Variants in PGM1 observed in about 807,000 individuals in gnomAD.
The protein encoded by PGM1 is phosphoglucomutase-1.
Under a neutral mutation model 55.6 loss-of-function variants are expected in PGM1, and 52 were observed. That is an observed-to-expected ratio of 0.94 (90% confidence interval 0.75 to 1.18). The LOEUF is 1.18. Ranked by LOEUF, PGM1 falls within the 50% of genes most tolerant of loss-of-function variation. The probability of loss-of-function intolerance (pLI) is 0.00; values close to 1 mark genes in which losing one functional copy is unlikely to be tolerated. For missense variants in PGM1, 724 were observed against 729.3 expected (o/e 0.99, Z 0.08); for synonymous variants, 287 against 271.7 (o/e 1.06, Z -0.55).
intron 7 of PGM1, among the ~76,000 whole-genome samples, chr1:63,646,188 A>C (rs1031151301): frequency 6.6e-6 from 1 of 152,230 alleles, no homozygotes; most frequent in Non-Finnish European, 1.5e-5. Context: ...AAGAAGAATA[A>C]GACCAGCGGG....
At chr1:63,620,209 A>G (rs1237838225) in intron 1 of PGM1, among the ~76,000 whole-genome samples, 1 of 152,148 alleles carries the variant, frequency 6.6e-6, no homozygotes, top group Admixed American at 6.5e-5. Flanking sequence ...TGGCTGCTGA[A>G]CCTGTGCCCT....
chr1:63,646,958 T>C (rs1213004307), intron 7 of PGM1, among the ~76,000 whole-genome samples: 1 of 152,016 alleles, frequency 6.6e-6, no homozygotes, highest in African/African-American at 2.4e-5. Context: ...ATATATCAAA[T>C]GTGGCCGGGC....
chr1:63,630,283 C>G (rs112663168), intron 3 of PGM1, among the ~76,000 whole-genome samples, 195 bp downstream of exon 3: 11 of 152,142 alleles, frequency 7.2e-5, no homozygotes, highest in African/African-American at 2.7e-4. Flanking sequence ...TGGGCCCTGC[C>G]AGGGATCAGC....
At chr1:63,606,440 C>T (rs1648419087) in intron 1 of PGM1, among the ~76,000 whole-genome samples, 1 of 152,154 alleles carries the variant, frequency 6.6e-6, no homozygotes, top group Non-Finnish European at 1.5e-5. Context: ...CACAGGGACC[C>T]ATGCCCCTTT....
intron 1 of PGM1, among the ~76,000 whole-genome samples, chr1:63,599,537 G>A (rs750718671): frequency 7.3e-5 from 11 of 151,078 alleles, no homozygotes; most frequent in African/African-American, 2.2e-4. Flanking sequence ...TGGTGGGGCC[G>A]GGCATGGTGG....
intron 1 of PGM1, among the ~76,000 whole-genome samples, chr1:63,628,577 T>TA (rs1212413177): frequency 1.3e-5 from 2 of 152,196 alleles, no homozygotes; most frequent in Admixed American, 6.5e-5. Flanking sequence ...ATGGAAAATG[T>TA]AAAAAAATCC....
chr1:63,638,419 C>T (rs1012208979), intron 6 of PGM1, among the ~76,000 whole-genome samples: 1 of 152,194 alleles, frequency 6.6e-6, no homozygotes, highest in African/African-American at 2.4e-5. Context: ...CAGCCCTGAA[C>T]ATTTTACTAC....
rs886046482 is a variant in PGM1 at position 63,638,810 on chromosome 1, A to G, written c.1144+10A>G. 1.5e-5 allele frequency: 24 copies of G among 1,572,648 alleles called. No homozygotes were observed. The highest frequency in any genetic ancestry group is 1.8e-5 in the Non-Finnish European group (21 of 1,142,290). ...GAGAGCTTCGGGACCGGTAAGTCAC[A>G]CTCCTGTGCTAGCATTTTCCTCCCT... On this transcript the variant is annotated intron_variant, in intron 7 of 10. Transcript: ENST00000371084.
intron 1 of PGM1, chr1:63,594,269 C>G: frequency 3.0e-6 from 1 of 336,490 alleles, no homozygotes; most frequent in Non-Finnish European, 4.2e-6. Flanking sequence ...GTGGCGAGAG[C>G]ACCCATCCCC....
At chr1:63,623,480 G>A in intron 1 of PGM1, 3 of 1,612,220 alleles carry the variant, frequency 1.9e-6, no homozygotes, top group Non-Finnish European at 2.5e-6. Context: ...TTTGAAGAAT[G>A]GATTTCTGGG....
intron 1 of PGM1, among the ~76,000 whole-genome samples, chr1:63,596,260 T>TC: frequency 7.1e-6 from 1 of 141,654 alleles, no homozygotes; most frequent in Admixed American, 7.0e-5. Flanking sequence ...TCTTCTTTTT[T>TC]TTTTTTTTTT....
At chr1:63,622,449 CT>C (rs1648906243) in intron 1 of PGM1, among the ~76,000 whole-genome samples, 1 of 152,172 alleles carries the variant, frequency 6.6e-6, no homozygotes, top group Middle Eastern at 3.2e-3. Context: ...ATACAAAGGA[CT>C]TAAACTGCTT....
In PGM1 at chr1:63,649,477, A is replaced by G. The variant is rs368050155; in HGVS notation, c.1280+825A>G. 1.2e-4 allele frequency among the ~76,000 whole-genome samples: 18 copies of G among 152,340 alleles called. No homozygotes were observed. In the East Asian group the frequency reaches 2.7e-3, roughly 23 times the overall value. ...AGTATTCCAATTATAGAGAGAAAATATGGTAAAAAGGATATTAGATGAATT... is the reference window on the plus strand; with the variant it reads ...AGTATTCCAATTATAGAGAGAAAATGTGGTAAAAAGGATATTAGATGAATT... On this transcript the variant is annotated intron_variant, in intron 8 of 10. Coordinates refer to ENST00000371084, the MANE Select transcript of PGM1 (RefSeq NM_002633.3).
At chr1:63,642,305 G>C (rs1442637433) in intron 7 of PGM1, among the ~76,000 whole-genome samples, 2 of 152,274 alleles carry the variant, frequency 1.3e-5, no homozygotes, top group East Asian at 3.9e-4. Flanking sequence ...GTTTGTGCTG[G>C]AGGAGCAGCA....
intron 1 of PGM1, among the ~76,000 whole-genome samples, chr1:63,604,959 G>GTGTGTGTGTGTGTT (rs58900430): frequency 0.047 from 6,288 of 134,138 alleles, 220 homozygotes; most frequent in Middle Eastern, 0.085. Context: ...GTGTGTGTGT[G>GTGTGTGTGTGTGTT]TAAAGAGAGG....
At chr1:63,608,409 C>T (rs855301) in intron 1 of PGM1, among the ~76,000 whole-genome samples, 118,514 of 152,156 alleles carry the variant, frequency 0.78, 46,700 homozygotes, top group South Asian at 0.89. Flanking sequence ...CGGCCCTGAC[C>T]GAGGAAGAGA....
At chr1:63,614,395 C>G (rs1472926770) in intron 1 of PGM1, among the ~76,000 whole-genome samples, 2 of 152,150 alleles carry the variant, frequency 1.3e-5, no homozygotes, top group Non-Finnish European at 2.9e-5. Context: ...AAGCCTTGCT[C>G]TCACTGAAGC....
At chr1:63,654,931 A>G (rs995997015) in intron 10 of PGM1, among the ~76,000 whole-genome samples, 2 of 151,828 alleles carry the variant, frequency 1.3e-5, no homozygotes, top group African/African-American at 4.8e-5. Context: ...GCAACAGTTA[A>G]TAGGTTTACA....
chr1:63,613,078 A>G (rs1340211008), intron 1 of PGM1, among the ~76,000 whole-genome samples: 1 of 152,100 alleles, frequency 6.6e-6, no homozygotes, highest in East Asian at 1.9e-4. Flanking sequence ...ACCACAGAGC[A>G]AAGGAGGAAG....
Sources: gnomAD v4.1 joint callset for allele counts (sites outside exome capture counted in the v4.1 genomes callset) on GRCh38, gnomAD v4.1.1 for gene constraint, MANE v1.5 for transcripts, NCBI Gene and HGNC (gene_info 2026-07-23, HGNC 2026-07-21) for gene names.